The following GALNT17 variants were observed in gnomAD, a reference collection of about 807,000 sequenced individuals.
GALNT17 encodes the protein polypeptide N-acetylgalactosaminyltransferase 17.
A neutral mutation model predicts 63.7 loss-of-function variants in GALNT17; 29 were observed. That is an observed-to-expected ratio of 0.46 (90% CI 0.34 to 0.62). GALNT17 has a LOEUF of 0.62. Ranked by LOEUF, GALNT17 falls within the 20% of genes least tolerant of loss-of-function variation. The probability of loss-of-function intolerance (pLI) is 0.01; values close to 1 mark genes in which losing one functional copy is unlikely to be tolerated. For synonymous variants in GALNT17, 305 were observed against 318.3 expected (o/e 0.96, Z 0.45); for missense variants, 603 against 799.6 (o/e 0.75, Z 2.97).
chr7:71,541,047 T>G (rs574506779), intron 5 of GALNT17, among the ~76,000 whole-genome samples: 29 of 152,050 alleles, frequency 1.9e-4, no homozygotes, highest in Admixed American at 1.8e-3. Flanking sequence ...GAGACCAGCC[T>G]GGCCAATATG....
chr7:71,294,409 C>CTTTT (rs869086513), intron 1 of GALNT17, among the ~76,000 whole-genome samples: 69 of 91,910 alleles, frequency 7.5e-4, no homozygotes, highest in African/African-American at 1.1e-3. Flanking sequence ...CTCATAAGTC[C>CTTTT]TTTTTTTTTT....
chr7:71,415,092 C>T (rs979910002), intron 3 of GALNT17, among the ~76,000 whole-genome samples: 1 of 152,066 alleles, frequency 6.6e-6, no homozygotes, highest in Admixed American at 6.5e-5. Context: ...TCACTGCAGC[C>T]TCCTGAGTTC....
In GALNT17 at chr7:71,611,253, G is replaced by A. The variant is rs79834197; in HGVS notation, c.1080+39851G>A. On this transcript the variant is annotated intron_variant, in intron 6 of 10. Transcript: ENST00000333538. ...TGTTGTTCCCTCATGAGAAACATTGGTTATATCCCTCTACTGTCTGATTGA... is the reference window on the plus strand; with the variant it reads ...TGTTGTTCCCTCATGAGAAACATTGATTATATCCCTCTACTGTCTGATTGA... 8.1e-4 allele frequency among the ~76,000 whole-genome samples: 123 copies of A among 152,142 alleles called. 4 individuals are homozygous for A. In the East Asian group the frequency reaches 0.024, roughly 29 times the overall value.
At chr7:71,667,311 C>T (rs1435492387) in intron 7 of GALNT17, among the ~76,000 whole-genome samples, 4 of 152,156 alleles carry the variant, frequency 2.6e-5, no homozygotes, top group Non-Finnish European at 2.9e-5. Flanking sequence ...TTAAAAAACC[C>T]CTTCTGGACA....
At chr7:71,689,987 T>C (rs567757774) in intron 9 of GALNT17, among the ~76,000 whole-genome samples, 6 of 152,164 alleles carry the variant, frequency 3.9e-5, no homozygotes, top group African/African-American at 9.6e-5. Flanking sequence ...TGGATATCAG[T>C]GCATCTGTTT....
intron 5 of GALNT17, among the ~76,000 whole-genome samples, chr7:71,469,922 G>A (rs1304502837): frequency 6.6e-6 from 1 of 152,144 alleles, no homozygotes; most frequent in East Asian, 1.9e-4. Context: ...TAAGATTGTA[G>A]TCCAGGCCAG....
At position 71,490,400 on chromosome 7, in the gene GALNT17, A is replaced by T. The variant is rs182580012; in HGVS notation, c.962+69295A>T. On this transcript the variant is annotated intron_variant, in intron 5 of 10. Transcript: ENST00000333538. ...CAGGGTCATTCTTAGGGTATGCTCA[A>T]GTTATTCCTATCAGGGGCATTTAGC... Among the ~76,000 whole-genome samples the T allele has an allele frequency of 1.2e-4, 18 of 152,288 alleles. 1 individual carries two copies. In the East Asian group the frequency reaches 3.5e-3, roughly 29 times the overall value.
intron 1 of GALNT17, among the ~76,000 whole-genome samples, chr7:71,322,727 T>A (rs934209593): frequency 7.9e-5 from 12 of 152,272 alleles, no homozygotes; most frequent in Admixed American, 5.2e-4. Context: ...GAAACTCTTA[T>A]AATGGGATCA....
intron 1 of GALNT17, among the ~76,000 whole-genome samples, chr7:71,215,479 A>T (rs1789460503): frequency 6.6e-6 from 1 of 152,032 alleles, no homozygotes; most frequent in Admixed American, 6.6e-5. Flanking sequence ...TTTTATCTTT[A>T]TTGTATTGTG....
intron 5 of GALNT17, among the ~76,000 whole-genome samples, chr7:71,571,030 G>A (rs1247623897): frequency 6.6e-6 from 1 of 152,056 alleles, no homozygotes; most frequent in Non-Finnish European, 1.5e-5. Context: ...GAGAGAGGAG[G>A]TGTGGGAATT....
chr7:71,609,851 TATTC>T (rs1273021997), intron 6 of GALNT17, among the ~76,000 whole-genome samples: 1 of 152,166 alleles, frequency 6.6e-6, no homozygotes, highest in Non-Finnish European at 1.5e-5. Flanking sequence ...TAGTAGGTTT[TATTC>T]ATTCTTAAGA....
intron 5 of GALNT17, among the ~76,000 whole-genome samples, chr7:71,533,620 C>A (rs912122934): frequency 9.9e-5 from 15 of 152,182 alleles, no homozygotes; most frequent in African/African-American, 3.6e-4. Flanking sequence ...CTCTGTACCC[C>A]ATTCCCAAAG....
chr7:71,290,180 A>T (rs1790954696), intron 1 of GALNT17, among the ~76,000 whole-genome samples: 1 of 152,224 alleles, frequency 6.6e-6, no homozygotes, highest in South Asian at 2.1e-4. Context: ...TCATCACCCC[A>T]AAAAGAAACC....
intron 1 of GALNT17, among the ~76,000 whole-genome samples, chr7:71,182,178 A>G (rs2116315924): frequency 6.6e-6 from 1 of 152,246 alleles, no homozygotes; most frequent in African/African-American, 2.4e-5. Context: ...TCCATCTAAA[A>G]AAAATAAATA....
chr7:71,652,916 A>T (rs879786038), intron 6 of GALNT17, among the ~76,000 whole-genome samples: 3 of 152,228 alleles, frequency 2.0e-5, no homozygotes, highest in Non-Finnish European at 4.4e-5. Flanking sequence ...TGAGGCAGTT[A>T]TTGCAGGGCG....
intron 5 of GALNT17, among the ~76,000 whole-genome samples, chr7:71,426,214 A>G (rs1052939226): frequency 2.6e-5 from 4 of 152,158 alleles, no homozygotes; most frequent in African/African-American, 9.6e-5. Flanking sequence ...ATTTGGGGAA[A>G]GTGTCACTCA....
chr7:71,587,283 C>T (rs1789733537), intron 6 of GALNT17, among the ~76,000 whole-genome samples: 1 of 152,164 alleles, frequency 6.6e-6, no homozygotes, highest in Non-Finnish European at 1.5e-5. Context: ...CTGCCTCAGC[C>T]TCCAAAAGTG....
In GALNT17 at chr7:71,536,867, A is replaced by G. The variant is rs116297705; in HGVS notation, c.963-34418A>G. ...GGCAAGATCTGAACTTGGAAGATCA[A>G]GATTCCTCACGTTCTGATGCCACAT... On this transcript the variant is annotated intron_variant, in intron 5 of 10. Transcript: ENST00000333538. 4.5e-3 allele frequency among the ~76,000 whole-genome samples: 680 copies of G among 152,344 alleles called. 11 individuals carry two copies. The highest frequency in any genetic ancestry group is 0.016 in the African/African-American group (645 of 41,588).
intron 1 of GALNT17, among the ~76,000 whole-genome samples, chr7:71,251,959 G>A (rs1790205704): frequency 6.6e-6 from 1 of 151,962 alleles, no homozygotes; most frequent in African/African-American, 2.4e-5. Flanking sequence ...TCACTACCTG[G>A]GCATGTGTAA....
Sources: gnomAD v4.1 joint callset for allele counts (sites outside exome capture counted in the v4.1 genomes callset) on GRCh38, gnomAD v4.1.1 for gene constraint, MANE v1.5 for transcripts, NCBI Gene and HGNC (gene_info 2026-07-23, HGNC 2026-07-21) for gene names.